Variants in GPR137C observed in about 807,000 individuals in gnomAD.
GPR137C encodes the protein integral membrane protein GPR137C.
Under a neutral mutation model 43.4 loss-of-function variants are expected in GPR137C, and 27 were observed. The observed-to-expected ratio is 0.62, with a 90% CI of 0.46 to 0.86. GPR137C has a LOEUF of 0.86. Ranked by LOEUF, GPR137C falls within the 40% of genes least tolerant of loss-of-function variation. The pLI, the probability that GPR137C is intolerant of heterozygous loss-of-function variation, is 0.00. For missense variants in GPR137C, 522 were observed against 534.6 expected (o/e 0.98, Z 0.23); for synonymous variants, 285 against 226.9 (o/e 1.26, Z -2.30).
chr14:52,623,659 G>T (rs1365181668), intron 3 of GPR137C, among the ~76,000 whole-genome samples: 1 of 43,562 alleles, frequency 2.3e-5, no homozygotes, highest in East Asian at 8.0e-4. Flanking sequence ...AAAGCTTACT[G>T]AAAGAGGCTT....
intron 1 of GPR137C, 139 bp from the exon 2 acceptor site, chr14:52,598,133 G>A (rs1457772690): frequency 2.3e-6 from 1 of 430,766 alleles, no homozygotes; most frequent in Non-Finnish European, 4.2e-6. Flanking sequence ...TTAGTTTATG[G>A]TAGCTCAACT....
rs1256819230 is a variant in GPR137C at position 52,634,939 on chromosome 14, T to C, written c.1114T>C (p.Leu372=). Residue 372 remains leucine, a splice_region_variant and synonymous_variant, in exon 7 of 7, where the codon TTA becomes CTA. Coordinates refer to ENST00000321662, the MANE Select transcript of GPR137C (RefSeq NM_001099652.2). ...CTTTTTGCCTTTTTTTTGTTGCAGT[T>C]TACCAAATTCGCAAAGTTTGGGCTG... ...PRLGSSREGS[L]PNSQSLGWYG... is the part of the protein sequence containing the mutation. The C allele has an allele frequency of 6.2e-7, 1 of 1,611,506 alleles. No individual in the cohort carries two copies. Among genetic ancestry groups the C allele is most frequent in the Admixed American group, 1.7e-5 (1 of 59,476 alleles).
chr14:52,612,270 C>A (rs1566621284), intron 3 of GPR137C: 1 of 946,058 alleles, frequency 1.1e-6, no homozygotes, highest in Non-Finnish European at 1.3e-6. Flanking sequence ...AATTTTATAC[C>A]CTGCTTTTCC....
intron 1 of GPR137C, among the ~76,000 whole-genome samples, chr14:52,572,722 AC>A (rs1230060862): frequency 1.3e-5 from 2 of 152,228 alleles, no homozygotes; most frequent in African/African-American, 4.8e-5. Flanking sequence ...CTCCTATTCA[AC>A]ATAGTATTGG....
intron 1 of GPR137C, among the ~76,000 whole-genome samples, chr14:52,556,208 T>A (rs2038190441): frequency 6.6e-6 from 1 of 152,150 alleles, no homozygotes; most frequent in Non-Finnish European, 1.5e-5. Context: ...CATATTACTT[T>A]TCACTTGTTT....
chr14:52,612,274 C>T (rs2039046463), intron 3 of GPR137C: 6 of 942,278 alleles, frequency 6.4e-6, no homozygotes, highest in Non-Finnish European at 7.6e-6. Context: ...TTATACCCTG[C>T]TTTTCCCCTT....
At chr14:52,560,793 G>C (rs996015590) in intron 1 of GPR137C, among the ~76,000 whole-genome samples, 1 of 152,294 alleles carries the variant, frequency 6.6e-6, no homozygotes, top group South Asian at 2.1e-4. Flanking sequence ...AAAATTTGTA[G>C]AAGACAGAAG....
At chr14:52,582,167 AG>A (rs1212315911) in intron 1 of GPR137C, among the ~76,000 whole-genome samples, 1 of 152,224 alleles carries the variant, frequency 6.6e-6, no homozygotes, top group Non-Finnish European at 1.5e-5. Flanking sequence ...GTTCATAGAC[AG>A]TGCCTTCCCA....
intron 1 of GPR137C, among the ~76,000 whole-genome samples, chr14:52,584,785 G>A (rs1350215316): frequency 2.0e-5 from 3 of 152,118 alleles, no homozygotes; most frequent in African/African-American, 7.2e-5. Context: ...ATTGATTGCA[G>A]AGACAGAGCC....
At chr14:52,597,544 G>T (rs184187637) in intron 1 of GPR137C, among the ~76,000 whole-genome samples, 1 of 152,264 alleles carries the variant, frequency 6.6e-6, no homozygotes, top group Admixed American at 6.5e-5. Flanking sequence ...GTAGTAGCCT[G>T]TACACTAATG....
chr14:52,604,415 T>G (rs1405028630), intron 3 of GPR137C, among the ~76,000 whole-genome samples: 1 of 151,860 alleles, frequency 6.6e-6, no homozygotes, highest in African/African-American at 2.4e-5. Flanking sequence ...ATGTTTTAAA[T>G]CCATTTTTGT....
At chr14:52,576,580 A>G (rs920880799) in intron 1 of GPR137C, among the ~76,000 whole-genome samples, 2 of 152,222 alleles carry the variant, frequency 1.3e-5, no homozygotes, top group Admixed American at 1.3e-4. Flanking sequence ...GATAGAGAGC[A>G]ACGTAATAAT....
At chr14:52,629,396 C>G (rs768506389) in intron 3 of GPR137C, among the ~76,000 whole-genome samples, 17 of 152,158 alleles carry the variant, frequency 1.1e-4, no homozygotes, top group Non-Finnish European at 2.2e-4. Flanking sequence ...GATTTACTTT[C>G]TCAATTTTCC....
intron 3 of GPR137C, among the ~76,000 whole-genome samples, chr14:52,625,029 A>C (rs1487868491): frequency 6.6e-6 from 1 of 152,168 alleles, no homozygotes; most frequent in East Asian, 1.9e-4. Flanking sequence ...ATGAAATTGT[A>C]TTTTATCTTA....
At chr14:52,582,023 C>T (rs1479554965) in intron 1 of GPR137C, among the ~76,000 whole-genome samples, 1 of 152,166 alleles carries the variant, frequency 6.6e-6, no homozygotes, top group Non-Finnish European at 1.5e-5. Context: ...GCTTAGTCTT[C>T]AGGCTGTTGT....
chr14:52,554,576 A>G lies in GPR137C; in HGVS notation c.444+985A>G, dbSNP rs375024951. ...AAAAGTCCTCCTTCCCACCAAAAGA[A>G]AAGCTTGAGGAGGGGAGGAAGCAAG... is the stretch of plus-strand genomic sequence containing the variant. On this transcript the variant is annotated intron_variant, in intron 1 of 6. Coordinates refer to ENST00000321662, the MANE Select transcript of GPR137C (RefSeq NM_001099652.2). Among the ~76,000 whole-genome samples the G allele has an allele frequency of 1.1e-4, 17 of 152,258 alleles. No individual in the cohort carries two copies. In the East Asian group the frequency reaches 2.9e-3, roughly 26 times the overall value.
intron 1 of GPR137C, among the ~76,000 whole-genome samples, chr14:52,585,717 C>T (rs1275706045): frequency 4.6e-5 from 7 of 152,170 alleles, no homozygotes; most frequent in Non-Finnish European, 1.0e-4. Flanking sequence ...CGCCTGCAGT[C>T]CCAGCTACTT....
At chr14:52,578,760 G>A (rs1001837726) in intron 1 of GPR137C, among the ~76,000 whole-genome samples, 18 of 152,076 alleles carry the variant, frequency 1.2e-4, no homozygotes, top group African/African-American at 3.6e-4. Flanking sequence ...CCTGGCCAGC[G>A]TGGCAAAACC....
chr14:52,561,377 G>A (rs746978956), intron 1 of GPR137C, among the ~76,000 whole-genome samples: 14 of 152,210 alleles, frequency 9.2e-5, no homozygotes, highest in Non-Finnish European at 1.3e-4. Context: ...GGAAACTGAG[G>A]CAGGAGGATC....
Sources: gnomAD v4.1 joint callset for allele counts (sites outside exome capture counted in the v4.1 genomes callset) on GRCh38, gnomAD v4.1.1 for gene constraint, MANE v1.5 for transcripts, NCBI Gene and HGNC (gene_info 2026-07-23, HGNC 2026-07-21) for gene names.